The following GOSR1 variants were observed in gnomAD, a reference collection of about 807,000 sequenced individuals.
GOSR1 encodes golgi SNAP receptor complex member 1.
Under a neutral mutation model 35.5 loss-of-function variants are expected in GOSR1, and 21 were observed. The ratio of observed to expected loss-of-function variants is 0.59; its 90% confidence interval spans 0.42 to 0.85. The LOEUF (loss-of-function observed/expected upper bound fraction) is 0.85. Among genes scored for constraint, GOSR1 ranks in the 40% least tolerant of loss-of-function variants. The pLI is 0.00. For synonymous variants in GOSR1, 94 were observed against 106.6 expected, an observed-to-expected ratio of 0.88 and a Z score of 0.73; for missense variants, 285 against 309.6, an observed-to-expected ratio of 0.92 and a Z score of 0.60.
rs2143979082 is a variant in GOSR1, at chr17:30,525,739, C to T, written c.*3361C>T. The T allele has an allele frequency of 6.6e-6, 1 of 152,198 alleles. No individual in the cohort carries two copies. The highest frequency in any genetic ancestry group is 1.9e-4 in the East Asian group (1 of 5,188). The allele number at this position is 152,198 out of a possible 1,614,324, so 9.4% of individuals were successfully genotyped here. A position where few individuals can be genotyped will look rare whatever the true frequency, so the allele number is the denominator to read the frequency against. On this transcript the variant is annotated 3_prime_UTR_variant, in exon 9 of 9. Coordinates refer to ENST00000451249, the MANE Select transcript of GOSR1 (RefSeq NM_001007025.2). ...GTCTAGCTCACTGCAGCCAAGCAAACCCTGTTGATGGCTGATGGGCCTTTC... is the reference window on the plus strand; with the variant it reads ...GTCTAGCTCACTGCAGCCAAGCAAATCCTGTTGATGGCTGATGGGCCTTTC...
intron 1 of GOSR1, among the ~76,000 whole-genome samples, chr17:30,478,303 A>G (rs1914088866): frequency 6.6e-6 from 1 of 152,198 alleles, no homozygotes; most frequent in Non-Finnish European, 1.5e-5. Flanking sequence ...CATAGAAACT[A>G]CTTTCCAAAT....
intron 1 of GOSR1, among the ~76,000 whole-genome samples, chr17:30,480,351 T>C (rs1366488690): frequency 6.6e-6 from 1 of 152,036 alleles, no homozygotes; most frequent in African/African-American, 2.4e-5. Flanking sequence ...TTTGCTATTA[T>C]GAAAAGAAGT....
At chr17:30,520,085 C>G in intron 8 of GOSR1, 64 bp downstream of exon 8, 1 of 1,019,118 alleles carries the variant, frequency 9.8e-7, no homozygotes, top group Non-Finnish European at 1.6e-6. Context: ...TCTGTGTGTG[C>G]TTTTATAGGG....
chr17:30,490,411 C>A (rs979704717), intron 5 of GOSR1, 194 bp downstream of exon 5: 2 of 437,440 alleles, frequency 4.6e-6, no homozygotes, highest in African/African-American at 4.0e-5. Context: ...TCTCATGCTT[C>A]CTCTTACTTT....
chr17:30,510,498 G>C (rs904557589), intron 6 of GOSR1: 7 of 154,868 alleles, frequency 4.5e-5, no homozygotes, highest in Non-Finnish European at 1.0e-4. Context: ...CAGATTACCT[G>C]AGGTCAGGAG....
intron 6 of GOSR1, among the ~76,000 whole-genome samples, chr17:30,507,805 C>T (rs1307414282): frequency 6.6e-6 from 1 of 151,232 alleles, no homozygotes; most frequent in South Asian, 2.1e-4. Context: ...CATGATAAAA[C>T]GTAAACAGGT....
At chr17:30,480,998 C>T (rs1914304066) in intron 1 of GOSR1, 145 bp from the exon 2 acceptor site, 1 of 577,990 alleles carries the variant, frequency 1.7e-6, no homozygotes. Context: ...AGGCGTGCAC[C>T]ACCGTGCCCA....
At chr17:30,495,579 A>G in intron 6 of GOSR1, 1 of 362,698 alleles carries the variant, frequency 2.8e-6, no homozygotes, top group Non-Finnish European at 5.5e-6. Context: ...CTTCTCATCT[A>G]CAGGTGTGTC....
At chr17:30,504,399 A>T (rs1967327062) in intron 6 of GOSR1, among the ~76,000 whole-genome samples, 1 of 152,090 alleles carries the variant, frequency 6.6e-6, no homozygotes, top group Non-Finnish European at 1.5e-5. Flanking sequence ...TTGCTGTAAA[A>T]TTACTGTAAT....
rs1426481426 is a variant in GOSR1 at position 30,522,319 on chromosome 17, A to T, written c.688A>T (p.Ile230Phe). ...INLRKRRDSLILGGVIGICTI... is the reference protein window; with the variant it reads ...INLRKRRDSLFLGGVIGICTI... ...CCTGAGGAAGCGGCGGGACTCGCTC[A>T]TCCTAGGGGGTGTTATTGGGATCTG... Residue 230 changes from isoleucine to phenylalanine, a missense_variant, in exon 9 of 9, where the codon ATC (isoleucine) becomes TTC (phenylalanine). This residue lies in a region of GOSR1 where 168 missense variants were observed against 183.2 expected (regional missense o/e 0.92). Coordinates refer to ENST00000451249, the MANE Select transcript of GOSR1 (RefSeq NM_001007025.2). 1 of 1,610,190 alleles carries T rather than the reference A, an allele frequency of 6.2e-7. No individual in the cohort carries two copies. Among genetic ancestry groups the T allele is most frequent in the South Asian group, 1.1e-5 (1 of 90,054 alleles).
At chr17:30,489,241 G>A (rs1914872895) in intron 4 of GOSR1, among the ~76,000 whole-genome samples, 1 of 152,046 alleles carries the variant, frequency 6.6e-6, no homozygotes, top group South Asian at 2.1e-4. Flanking sequence ...AAAATTAGCT[G>A]GATGTAGTGG....
At position 30,523,175 on chromosome 17, in the gene GOSR1, G is replaced by A. The variant is rs1365045429; in HGVS notation, c.*797G>A. On this transcript the variant is annotated 3_prime_UTR_variant, in exon 9 of 9. Coordinates refer to ENST00000451249, the MANE Select transcript of GOSR1 (RefSeq NM_001007025.2). ...CCACCCCGTCTGGAAAGTGAGGAGC[G>A]CCTCTGCCCGGCCGCCATCCCATCT... 5 of 191,246 alleles carry A rather than the reference G, an allele frequency of 2.6e-5. No individual in the cohort carries two copies. Among genetic ancestry groups the A allele is most frequent in the Non-Finnish European group, 5.4e-5 (5 of 92,796 alleles). The allele number at this position is 191,246 out of a possible 1,614,324, so 11.8% of individuals were successfully genotyped here. A position where few individuals can be genotyped will look rare whatever the true frequency, so the allele number is the denominator to read the frequency against.
chr17:30,490,043 G>A (rs1319931865), intron 4 of GOSR1, 83 bp from the exon 5 acceptor site: 20 of 649,942 alleles, frequency 3.1e-5, no homozygotes, highest in Non-Finnish European at 5.7e-5. Flanking sequence ...CAAATTTACA[G>A]TGTGATGACG....
intron 6 of GOSR1, among the ~76,000 whole-genome samples, chr17:30,494,636 CTCACTCTG>C (rs1966924887): frequency 1.3e-5 from 2 of 151,950 alleles, no homozygotes; most frequent in African/African-American, 4.8e-5. Context: ...AAGACAGAGT[CTCACTCTG>C]TTGCCCAGGC....
chr17:30,519,148 C>A (rs115879444), intron 7 of GOSR1, among the ~76,000 whole-genome samples: 8 of 152,204 alleles, frequency 5.3e-5, no homozygotes, highest in Middle Eastern at 3.4e-3. Context: ...GTAGCCCCCC[C>A]CTCCTGGGCT....
At chr17:30,484,525 T>C in intron 3 of GOSR1, 138 bp from the exon 4 acceptor site, 2 of 585,524 alleles carry the variant, frequency 3.4e-6, no homozygotes, top group South Asian at 4.2e-5. Context: ...TTACTTGCTC[T>C]CTTGTTTGTT....
chr17:30,480,298 A>C (rs569797729), intron 1 of GOSR1: 1 of 151,944 alleles, frequency 6.6e-6, no homozygotes, highest in South Asian at 2.1e-4. Flanking sequence ...TGACAGAACG[A>C]GACTCCATCT....
At chr17:30,495,120 G>A (rs757676358) in intron 6 of GOSR1, among the ~76,000 whole-genome samples, 2 of 149,850 alleles carry the variant, frequency 1.3e-5, no homozygotes, top group Admixed American at 6.7e-5. Context: ...CCCGGGAGGC[G>A]GAGGTTGCAG....
At chr17:30,517,769 C>A (rs979318842) in intron 7 of GOSR1, among the ~76,000 whole-genome samples, 2 of 152,180 alleles carry the variant, frequency 1.3e-5, no homozygotes. Context: ...TCCTTACACA[C>A]TTTTGTTTCT....
Sources: gnomAD v4.1 joint callset for allele counts (sites outside exome capture counted in the v4.1 genomes callset) on GRCh38, gnomAD v4.1.1 for gene constraint, gnomAD v4.1.1 regional missense constraint, MANE v1.5 for transcripts, NCBI Gene and HGNC (gene_info 2026-07-23, HGNC 2026-07-21) for gene names.